Variants in SERPINB7 observed in about 807,000 individuals in gnomAD.
The protein encoded by SERPINB7 is serpin B7.
SERPINB7 carries 31 observed loss-of-function variants against 37.4 expected under a neutral mutation model. That is an observed-to-expected ratio of 0.83 (90% CI 0.62 to 1.12). The LOEUF is 1.12. SERPINB7 is among the 50% of genes most tolerant of loss of function. The pLI is 0.00. For missense variants in SERPINB7, 521 were observed against 455.3 expected (o/e 1.14, Z -1.31); for synonymous variants, 163 against 166.1 (o/e 0.98, Z 0.14).
chr18:63,799,625 A>G (rs1252990696), intron 6 of SERPINB7, among the ~76,000 whole-genome samples: 1 of 152,126 alleles, frequency 6.6e-6, no homozygotes, highest in East Asian at 1.9e-4. Context: ...CATAACCCAG[A>G]TGTGTGATTC....
intron 5 of SERPINB7, 73 bp from the exon 6 acceptor site, chr18:63,798,531 T>A (rs189780912): frequency 1.4e-4 from 176 of 1,230,484 alleles, no homozygotes; most frequent in Non-Finnish European, 1.8e-4. Context: ...TTCATACCAA[T>A]TAATGGTCTT....
At chr18:63,775,963 C>T (rs754175477) in intron 1 of SERPINB7, among the ~76,000 whole-genome samples, 6 of 152,018 alleles carry the variant, frequency 3.9e-5, no homozygotes, top group African/African-American at 9.7e-5. Context: ...CACTGTGACC[C>T]GTGGTCTCTT....
chr18:63,764,792 A>G (rs2049172043), intron 1 of SERPINB7, among the ~76,000 whole-genome samples: 1 of 152,132 alleles, frequency 6.6e-6, no homozygotes, highest in South Asian at 2.1e-4. Flanking sequence ...TATTTGATTA[A>G]CCACTATTAT....
Position 63,793,145 on chromosome 18 carries a change from A to G in SERPINB7, c.220-16A>G. 7.2e-7 allele frequency: 1 copy of G among 1,393,190 alleles called. No homozygotes were observed. Among genetic ancestry groups the G allele is most frequent in the Non-Finnish European group, 9.9e-7 (1 of 1,008,614 alleles). The allele number at this position is 1,393,190 out of a possible 1,614,324, so 86.3% of individuals were successfully genotyped here. On this transcript the variant is annotated splice_polypyrimidine_tract_variant and intron_variant, in intron 3 of 7. Transcript: ENST00000398019. ...GCAGTCCAAAAATAAATTTTTATAC[A>G]TCTTTTTAATAACAGTCAGGGCTCC...
intron 7 of SERPINB7, 143 bp downstream of exon 7, chr18:63,801,155 T>A: frequency 1.3e-6 from 1 of 793,200 alleles, no homozygotes; most frequent in Non-Finnish European, 2.0e-6. Flanking sequence ...GACAAATATT[T>A]AAGGGGTACC....
At chr18:63,762,879 CA>C (rs1284821775) in intron 1 of SERPINB7, among the ~76,000 whole-genome samples, 2 of 152,018 alleles carry the variant, frequency 1.3e-5, no homozygotes, top group African/African-American at 4.8e-5. Flanking sequence ...ATAAATATAA[CA>C]AGATAATATT....
chr18:63,804,254 C>T lies in SERPINB7; in HGVS notation c.762C>T (p.Thr254=). Residue 254 remains threonine, a synonymous_variant, in exon 8 of 8, where the codon ACC becomes ACT. Coordinates refer to ENST00000398019, the MANE Select transcript of SERPINB7 (RefSeq NM_003784.4). The part of the protein sequence containing the change: ...NDLSEIENKL[T]FQNLMEWTNP... ...TTTTACAGATTGAAAACAAACTGAC[C>T]TTTCAGAATCTAATGGAATGGACCA... The T allele has an allele frequency of 6.4e-7, 1 of 1,557,804 alleles. No homozygotes were observed. Among genetic ancestry groups the T allele is most frequent in the Non-Finnish European group, 8.6e-7 (1 of 1,157,688 alleles).
At chr18:63,783,741 C>T (rs901402217) in intron 2 of SERPINB7, among the ~76,000 whole-genome samples, 2 of 152,136 alleles carry the variant, frequency 1.3e-5, no homozygotes, top group African/African-American at 2.4e-5. Flanking sequence ...GCCTTGATGT[C>T]GTCCCTTTCT....
In SERPINB7 at chr18:63,783,186, AAGAGAGAGAG is replaced by A. The variant is rs1200340375; in HGVS notation, c.168+686_168+695del. Among the ~76,000 whole-genome samples the A allele has an allele frequency of 7.0e-3, 530 of 75,252 alleles. 13 individuals are homozygous for A. The highest frequency in any genetic ancestry group is 0.024 in the Middle Eastern group (4 of 170). The allele number at this position is 75,252 out of a possible 152,430, so 49.4% of individuals were successfully genotyped here. On this transcript the variant is annotated intron_variant, in intron 2 of 7. Transcript: ENST00000398019. Reference sequence around the variant, plus strand: ...CAAAAAGAAAATAAAGAAAGAAAGAAAGAGAGAGAGAGAGAGAGAGAGAGAGAGAGAGAGA... The same window carrying A: ...CAAAAAGAAAATAAAGAAAGAAAGAAAGAGAGAGAGAGAGAGAGAGAGAGA...
chr18:63,786,039 C>CAT (rs528495596), intron 2 of SERPINB7, among the ~76,000 whole-genome samples: 2 of 89,844 alleles, frequency 2.2e-5, no homozygotes, highest in Non-Finnish European at 4.9e-5. Flanking sequence ...TATATATACA[C>CAT]ATATATATAA....
chr18:63,765,764 T>G (rs766565688), intron 1 of SERPINB7, among the ~76,000 whole-genome samples: 1 of 152,190 alleles, frequency 6.6e-6, no homozygotes, highest in South Asian at 2.1e-4. Flanking sequence ...TCTAAATAAG[T>G]GATTCCCATC....
At chr18:63,785,020 G>A (rs1250949249) in intron 2 of SERPINB7, among the ~76,000 whole-genome samples, 3 of 152,112 alleles carry the variant, frequency 2.0e-5, no homozygotes, top group Non-Finnish European at 1.5e-5. Flanking sequence ...AGTTTGCTCT[G>A]TACTCTTTAC....
intron 5 of SERPINB7, 21 bp from the exon 6 acceptor site, chr18:63,798,583 C>A: frequency 6.7e-7 from 1 of 1,500,510 alleles, no homozygotes; most frequent in Non-Finnish European, 8.9e-7. Flanking sequence ...AACATTTTTC[C>A]CTCAATTTTT....
rs956342846 is a variant in SERPINB7, at chr18:63,798,632, T to C, written c.483T>C (p.Gly161=). 6.3e-7 allele frequency: 1 copy of C among 1,585,682 alleles called. No homozygotes were observed. Among genetic ancestry groups the C allele is most frequent in the African/African-American group, 1.4e-5 (1 of 73,996 alleles). Reference sequence around the variant, plus strand: ...AAATCAAGAACGTGATTGGTGAAGGTGGCATAAGCTCATCTGCTGTAATGG... The same window carrying C: ...AAATCAAGAACGTGATTGGTGAAGGCGGCATAAGCTCATCTGCTGTAATGG... ...HGKIKNVIGE[G]GISSSAVMVL... is the part of the protein sequence containing the mutation. Residue 161 remains glycine, a synonymous_variant, in exon 6 of 8, where the codon GGT becomes GGC. Transcript: ENST00000398019.
chr18:63,795,352 G>A (rs1599017625), intron 4 of SERPINB7, among the ~76,000 whole-genome samples: 1 of 152,154 alleles, frequency 6.6e-6, no homozygotes, highest in Non-Finnish European at 1.5e-5. Flanking sequence ...CCTGAGGTCA[G>A]GAGTTTGAGA....
intron 1 of SERPINB7, among the ~76,000 whole-genome samples, chr18:63,754,808 C>T (rs543852087): frequency 6.7e-6 from 1 of 149,664 alleles, no homozygotes; most frequent in East Asian, 2.0e-4. Context: ...TTCTAGATCA[C>T]GGACTTTGAA....
intron 6 of SERPINB7, among the ~76,000 whole-genome samples, 180 bp downstream of exon 6, chr18:63,798,926 C>T (rs1458177987): frequency 6.6e-6 from 1 of 152,132 alleles, no homozygotes; most frequent in Non-Finnish European, 1.5e-5. Flanking sequence ...CCCTGTCATG[C>T]AGGCTATGAA....
chr18:63,766,562 T>C (rs1469602169), intron 1 of SERPINB7, among the ~76,000 whole-genome samples: 1 of 152,148 alleles, frequency 6.6e-6, no homozygotes, highest in Non-Finnish European at 1.5e-5. Flanking sequence ...AGTTTGCACT[T>C]GAAGGCTAAA....
intron 2 of SERPINB7, among the ~76,000 whole-genome samples, chr18:63,787,504 T>C (rs1310711904): frequency 2.0e-5 from 3 of 152,144 alleles, no homozygotes; most frequent in Non-Finnish European, 4.4e-5. Flanking sequence ...TTCTGGATAG[T>C]TATATAATTT....
Sources: gnomAD v4.1 joint callset for allele counts (sites outside exome capture counted in the v4.1 genomes callset) on GRCh38, gnomAD v4.1.1 for gene constraint, MANE v1.5 for transcripts, NCBI Gene and HGNC (gene_info 2026-07-23, HGNC 2026-07-21) for gene names.